MYCL: variants seen among roughly 807,000 people sequenced by gnomAD.
The protein encoded by MYCL is MYCL proto-oncogene, bHLH transcription factor.
Under a neutral mutation model 31.0 loss-of-function variants are expected in MYCL, and 11 were observed. The ratio of observed to expected loss-of-function variants is 0.35; its 90% CI spans 0.22 to 0.59. The LOEUF (loss-of-function observed/expected upper bound fraction) is 0.59, where lower values mean the gene tolerates loss of function less well. MYCL is among the 20% of genes least tolerant of loss of function. MYCL has a pLI of 0.79. For missense variants in MYCL, 427 were observed against 486.1 expected, an observed-to-expected ratio of 0.88 and a Z score of 1.14; for synonymous variants, 208 against 202.4, an observed-to-expected ratio of 1.03 and a Z score of -0.23.
Position 39,897,321 on chromosome 1 carries a change from A to C in MYCL, c.*51T>G, listed in dbSNP as rs1297161417. The C allele has an allele frequency of 1.3e-6, 2 of 1,506,228 alleles. No homozygotes were observed. Among genetic ancestry groups the C allele is most frequent in the Non-Finnish European group, 1.8e-6 (2 of 1,118,330 alleles). 93.3% of individuals were successfully genotyped at this position (1,506,228 alleles called of 1,614,324 possible). ...ATTACTAAAGGGGAGAGGGAGGTTA[A>C]AAAATAAACTTGTGTCTTCGTAAGA... On this transcript the variant is annotated 3_prime_UTR_variant, in exon 2 of 2. Transcript: ENST00000372816. This position sits in a 1 kb window ranked among gnomAD's most constrained non-coding sequence, Gnocchi z 4.3.
At chr1:39,900,786 G>T in intron 1 of MYCL, 153 bp downstream of exon 1, 2 of 1,438,108 alleles carry the variant, frequency 1.4e-6, no homozygotes, top group South Asian at 3.0e-5. Context: ...GTGCCAGACA[G>T]ACACGGTTGG....
rs2124719633 is a variant in MYCL at position 39,900,994 on chromosome 1, C to T, written c.441G>A (p.Pro147=). ...AGNPAPAAPC[P]LGEPKTQACS... ...AGGCCTGGGTCTTGGGTTCGCCCAGCGGACAGGGGGCGGCGGGCGCCGGGT... is the reference window on the plus strand; with the variant it reads ...AGGCCTGGGTCTTGGGTTCGCCCAGTGGACAGGGGGCGGCGGGCGCCGGGT... The change falls in exon 1 of 2, where the codon CCG becomes CCA. Residue 147 remains proline (P), a synonymous_variant. Coordinates refer to ENST00000372816, the MANE Select transcript of MYCL (RefSeq NM_001033081.3). 6.7e-7 allele frequency: 1 copy of T among 1,486,064 alleles called. No homozygotes were observed. 92.1% of individuals were successfully genotyped at this position (1,486,064 alleles called of 1,614,324 possible). A position where few individuals can be genotyped will look rare whatever the true frequency, so the allele number is the denominator to read the frequency against.
chr1:39,898,421 G>A (rs1644503751), intron 1 of MYCL, among the ~76,000 whole-genome samples: 1 of 152,202 alleles, frequency 6.6e-6, no homozygotes, highest in Non-Finnish European at 1.5e-5. Context: ...TTCCTGCCCA[G>A]CACAGCCTGC....
chr1:39,897,979 G>A lies in MYCL; in HGVS notation c.497-9C>T, dbSNP rs1557605720. Reference sequence around the variant, plus strand: ...ATCAATTTCTTCATTCTCTGTCCGAGAAAAGAGATCAAGAGAAGAAACACA... The same window carrying A: ...ATCAATTTCTTCATTCTCTGTCCGAAAAAAGAGATCAAGAGAAGAAACACA... On this transcript the variant is annotated splice_polypyrimidine_tract_variant and intron_variant, in intron 1 of 1. Coordinates refer to ENST00000372816, the MANE Select transcript of MYCL (RefSeq NM_001033081.3). The surrounding 1 kb of genome is among the most constrained non-coding windows in gnomAD (Gnocchi z 4.3). The A allele has an allele frequency of 1.2e-6, 2 of 1,608,842 alleles. No homozygotes were observed. Among genetic ancestry groups the A allele is most frequent in the Admixed American group, 1.7e-5 (1 of 59,488 alleles).
chr1:39,898,355 C>G (rs996669175), intron 1 of MYCL, among the ~76,000 whole-genome samples: 1 of 152,234 alleles, frequency 6.6e-6, no homozygotes, highest in African/African-American at 2.4e-5. Flanking sequence ...CAGTCGGGCT[C>G]TTTCATGCCC....
Position 39,897,292 on chromosome 1 carries a change from G to A in MYCL, c.*80C>T. 1.5e-6 allele frequency: 2 copies of A among 1,319,508 alleles called. No homozygotes were observed. Among genetic ancestry groups the A allele is most frequent in the Non-Finnish European group, 2.1e-6 (2 of 959,294 alleles). 81.7% of individuals were successfully genotyped at this position (1,319,508 alleles called of 1,614,324 possible). ...GACTGTCCCACCATAACCAAAATGTGCAAATTACTAAAGGGGAGAGGGAGG... is the reference window on the plus strand; with the variant it reads ...GACTGTCCCACCATAACCAAAATGTACAAATTACTAAAGGGGAGAGGGAGG... On this transcript the variant is annotated 3_prime_UTR_variant, in exon 2 of 2. Transcript: ENST00000372816. This position sits in a 1 kb window ranked among gnomAD's most constrained non-coding sequence, Gnocchi z 4.3.
rs985157388 is a variant in MYCL at position 39,896,412 on chromosome 1, C to A, written c.*960G>T. On this transcript the variant is annotated 3_prime_UTR_variant, in exon 2 of 2. Transcript: ENST00000372816. ...GATGAGGCAGGTGGGAAAGAGGCAG[C>A]AGTACAGTTCTCCCTCTGAGGTGTC... 7 of 206,164 alleles carry A rather than the reference C, an allele frequency of 3.4e-5. No individual in the cohort carries two copies. The highest frequency in any genetic ancestry group is 6.9e-5 in the Non-Finnish European group (7 of 100,880). The allele number at this position is 206,164 out of a possible 1,614,324, so 12.8% of individuals were successfully genotyped here.
In MYCL at chr1:39,896,108, C is replaced by G. The variant is rs1338389149; in HGVS notation, c.*1264G>C. ...TGGATTCCACTTGGAGCTGCCGAGT[C>G]CAGCTGGGGTAAAATCCATCATGGT... On this transcript the variant is annotated 3_prime_UTR_variant, in exon 2 of 2. Coordinates refer to ENST00000372816, the MANE Select transcript of MYCL (RefSeq NM_001033081.3). 1 of 208,858 alleles carries G rather than the reference C, an allele frequency of 4.8e-6. No homozygotes were observed. Among genetic ancestry groups the G allele is most frequent in the East Asian group, 7.2e-5 (1 of 13,850 alleles). The allele number at this position is 208,858 out of a possible 1,614,324, so 12.9% of individuals were successfully genotyped here. A position where few individuals can be genotyped will look rare whatever the true frequency, so the allele number is the denominator to read the frequency against.
In MYCL at chr1:39,901,272, C is replaced by T. The variant is rs752938301; in HGVS notation, c.163G>A (p.Ala55Thr). The T allele has an allele frequency of 2.5e-6, 4 of 1,600,948 alleles. No homozygotes were observed. In the African/African-American group the frequency reaches 4.0e-5, roughly 16 times the overall value. The change falls in exon 1 of 2, where the codon GCC (alanine) becomes ACC (threonine). Residue 55 changes from alanine (A) to threonine (T), a missense_variant. Coordinates refer to ENST00000372816, the MANE Select transcript of MYCL (RefSeq NM_001033081.3). The surrounding 1 kb of genome is among the most constrained non-coding windows in gnomAD (Gnocchi z 6.9). The part of the protein sequence containing the change: ...WGLGPGAGDP[A>T]PGIGPPEPWP... ...GGCTCCGGGGGACCAATCCCGGGGG[C>T]CGGGTCCCCTGCGCCGGGACCCAAG...
intron 1 of MYCL, chr1:39,899,120 C>T (rs995403417): frequency 1.0e-6 from 1 of 981,620 alleles, no homozygotes; most frequent in African/African-American, 1.7e-5. Flanking sequence ...GCTGATTACG[C>T]TGTGTTTGGA....
chr1:39,901,326 G>C lies in MYCL; in HGVS notation c.109C>G (p.Pro37Ala). The C allele has an allele frequency of 6.2e-7, 1 of 1,605,988 alleles. No homozygotes were observed. The highest frequency in any genetic ancestry group is 2.2e-5 in the East Asian group (1 of 44,560). ...CAGGGCGGCGACGTGGGGGGCGATG[G>C]CACCAGCTCGAATTTCTTCCAGATG... Reference protein sequence around the residue: ...EDIWKKFELVPSPPTSPPWGL... With the variant: ...EDIWKKFELVASPPTSPPWGL... Residue 37 changes from proline to alanine, a missense_variant, in exon 1 of 2, where the codon CCA becomes GCA. Coordinates refer to ENST00000372816, the MANE Select transcript of MYCL (RefSeq NM_001033081.3). The surrounding 1 kb of genome is among the most constrained non-coding windows in gnomAD (Gnocchi z 6.9).
chr1:39,897,366 G>T lies in MYCL; in HGVS notation c.*6C>A. ...GTAAGACAGAACTGTCAGGCTTTTT[G>T]GTCAGTTAGTAGCCAGTGAGGTATG... On this transcript the variant is annotated 3_prime_UTR_variant, in exon 2 of 2. Transcript: ENST00000372816. The surrounding 1 kb of genome is among the most constrained non-coding windows in gnomAD (Gnocchi z 4.3). The T allele has an allele frequency of 6.4e-7, 1 of 1,566,554 alleles. No homozygotes were observed. The highest frequency in any genetic ancestry group is 1.9e-5 in the Admixed American group (1 of 52,388).
chr1:39,898,831 C>T, intron 1 of MYCL: 1 of 985,478 alleles, frequency 1.0e-6, no homozygotes, highest in Non-Finnish European at 1.2e-6. Flanking sequence ...ACACGCCCTT[C>T]TCATTCACTG....
At chr1:39,900,872 AG>A in intron 1 of MYCL, 66 bp downstream of exon 1, 1 of 1,511,214 alleles carries the variant, frequency 6.6e-7, no homozygotes, top group Non-Finnish European at 8.8e-7. Context: ...GCCTGACCTC[AG>A]GCAGGGGCAG....
In MYCL at chr1:39,901,663, C is replaced by T; in HGVS notation, c.-229G>A. The T allele has an allele frequency of 7.6e-7, 1 of 1,318,400 alleles. No individual in the cohort carries two copies. Among genetic ancestry groups the T allele is most frequent in the Non-Finnish European group, 9.6e-7 (1 of 1,041,044 alleles). The allele number at this position is 1,318,400 out of a possible 1,614,324, so 81.7% of individuals were successfully genotyped here. On this transcript the variant is annotated 5_prime_UTR_variant, in exon 1 of 2. Transcript: ENST00000372816. This position sits in a 1 kb window ranked among gnomAD's most constrained non-coding sequence, Gnocchi z 6.9. ...CGGACCCGACTGTGGGCAGCGAGTTCAAAGCAAACTTTGCCAGCGCCGCCC... is the reference window on the plus strand; with the variant it reads ...CGGACCCGACTGTGGGCAGCGAGTTTAAAGCAAACTTTGCCAGCGCCGCCC...
chr1:39,900,955 C>G lies in MYCL; in HGVS notation c.480G>C (p.Glu160Asp). ...EPKTQACSGS[E>D]SPSDSENEEI... The stretch of plus-strand genomic sequence containing the variant: ...GGTCCTTACCCGAGTCGCTTGGGCT[C>G]TCGGACCCGGAGCAGGCCTGGGTCT... Residue 160 changes from glutamate (E) to aspartate (D), a missense_variant, in exon 1 of 2, where the codon GAG becomes GAC. Physicochemically the swap from Glu to Asp is conservative, Grantham distance 45. Transcript: ENST00000372816. 2 of 1,496,476 alleles carry G rather than the reference C, an allele frequency of 1.3e-6. No individual in the cohort carries two copies. The highest frequency in any genetic ancestry group is 1.8e-4 in the Middle Eastern group (1 of 5,418). 92.7% of individuals were successfully genotyped at this position (1,496,476 alleles called of 1,614,324 possible).
rs191730428 is a variant in MYCL, at chr1:39,897,837, T to C, written c.630A>G (p.Gln210=). The C allele has an allele frequency of 5.0e-6, 8 of 1,614,182 alleles. No individual in the cohort carries two copies. In the East Asian group the frequency reaches 1.3e-4, roughly 27 times the overall value. The change falls in exon 2 of 2, where the codon CAA becomes CAG. Residue 210 remains glutamine (Q), a synonymous_variant. Transcript: ENST00000372816. The surrounding 1 kb of genome is among the most constrained non-coding windows in gnomAD (Gnocchi z 4.3). ...GAAAACGGGCAGCATAGTTGTGCTG[T>C]TGCTGATGGATGGAGATGTGGAAAT... The part of the protein sequence containing the change: ...MKHFHISIHQ[Q]QHNYAARFPP...
chr1:39,897,474 T>C lies in MYCL; in HGVS notation c.993A>G (p.Gln331=). The C allele has an allele frequency of 1.2e-6, 2 of 1,614,204 alleles. No individual in the cohort carries two copies. Among genetic ancestry groups the C allele is most frequent in the Non-Finnish European group, 1.7e-6 (2 of 1,180,018 alleles). ...VILSKALEYL[Q]ALVGAEKRMA... The stretch of plus-strand genomic sequence containing the variant: ...TCCTCTTCTCAGCCCCCACCAGGGC[T>C]TGCAAGTATTCCAAGGCCTTGCTTA... The change falls in exon 2 of 2, where the codon CAA becomes CAG. Residue 331 remains glutamine, a synonymous_variant. Transcript: ENST00000372816. The surrounding 1 kb of genome is among the most constrained non-coding windows in gnomAD (Gnocchi z 4.3).
chr1:39,901,566 C>T lies in MYCL; in HGVS notation c.-132G>A. ...CTCCCCAACCCCACCAGCTTGCAGC[C>T]TGCGCCCAGTCCTCGCGTCCCGGGA... On this transcript the variant is annotated 5_prime_UTR_variant, in exon 1 of 2. Coordinates refer to ENST00000372816, the MANE Select transcript of MYCL (RefSeq NM_001033081.3). The surrounding 1 kb of genome is among the most constrained non-coding windows in gnomAD (Gnocchi z 6.9). The T allele has an allele frequency of 6.9e-7, 1 of 1,452,374 alleles. No individual in the cohort carries two copies. Among genetic ancestry groups the T allele is most frequent in the Non-Finnish European group, 9.0e-7 (1 of 1,112,190 alleles). 90.0% of individuals were successfully genotyped at this position (1,452,374 alleles called of 1,614,324 possible).
Sources: gnomAD v4.1 joint callset for allele counts (sites outside exome capture counted in the v4.1 genomes callset) on GRCh38, gnomAD v4.1.1 for gene constraint, Gnocchi (gnomAD v3.1) non-coding constraint, MANE v1.5 for transcripts, NCBI Gene and HGNC (gene_info 2026-07-23, HGNC 2026-07-21) for gene names.